Variants in SLC2A11 observed in about 807,000 individuals in gnomAD.
SLC2A11 encodes solute carrier family 2, facilitated glucose transporter member 11.
SLC2A11 carries 43 observed loss-of-function variants against 52.1 expected under a neutral mutation model. The observed-to-expected ratio is 0.82, with a 90% CI of 0.65 to 1.06. The LOEUF is 1.06. SLC2A11 is among the 50% of genes least tolerant of loss of function. SLC2A11 has a pLI of 0.00. For synonymous variants in SLC2A11, 261 were observed against 277.6 expected, an observed-to-expected ratio of 0.94 and a Z score of 0.59; for missense variants, 582 against 654.2, an observed-to-expected ratio of 0.89 and a Z score of 1.20.
In SLC2A11 at chr22:23,877,883, C is replaced by T; in HGVS notation, c.694+14C>T. Reference sequence around the variant, plus strand: ...CCTGCCTGGCAGGTGAGTCTCTGTCCTTGGGCTCCCAGACTGCCCTTGACC... The same window carrying T: ...CCTGCCTGGCAGGTGAGTCTCTGTCTTTGGGCTCCCAGACTGCCCTTGACC... On this transcript the variant is annotated intron_variant, in intron 6 of 11. Transcript: ENST00000316185. The T allele has an allele frequency of 6.2e-7, 1 of 1,603,240 alleles. No homozygotes were observed.
In SLC2A11 at chr22:23,884,820, C is replaced by T. The variant is rs1486325555; in HGVS notation, c.1471C>T (p.Leu491=). The change falls in exon 12 of 12, where the codon CTG becomes TTG. Residue 491 remains leucine (L), a synonymous_variant. Coordinates refer to ENST00000316185, the MANE Select transcript of SLC2A11 (RefSeq NM_001024939.4). This position sits in a 1 kb window ranked among gnomAD's most constrained non-coding sequence, Gnocchi z 4.3. ...GGCCCAGGGCCCCACGTGGAGGAGC[C>T]TGGAGGTTATCCAGTCAACAGAACT... ...RRAQGPTWRS[L]EVIQSTEL 6.2e-7 allele frequency: 1 copy of T among 1,614,160 alleles called. No homozygotes were observed. Among genetic ancestry groups the T allele is most frequent in the Non-Finnish European group, 8.5e-7 (1 of 1,180,024 alleles).
At position 23,862,195 on chromosome 22, in the gene SLC2A11, C is replaced by T. The variant is rs180771325; in HGVS notation, c.122C>T (p.Pro41Leu). Residue 41 changes from proline to leucine, a missense_variant, in exon 2 of 12, where the codon CCG (proline) becomes CTG (leucine). Pro to Leu is a moderately conservative substitution (Grantham distance 98). Coordinates refer to ENST00000316185, the MANE Select transcript of SLC2A11 (RefSeq NM_001024939.4). ...TATAACCTCTCTATCATCAATGCCC[C>T]GACCTTGGTATGTATCCTCTCTGGG... ...FGYNLSIINAPTLHIQEFTNE... is the reference protein window; with the variant it reads ...FGYNLSIINALTLHIQEFTNE... The T allele has an allele frequency of 6.8e-6, 11 of 1,614,030 alleles. No homozygotes were observed. The highest frequency in any genetic ancestry group is 4.5e-5 in the East Asian group (2 of 44,884).
chr22:23,874,977 C>T, intron 3 of SLC2A11, 140 bp from the exon 4 acceptor site: 3 of 959,910 alleles, frequency 3.1e-6, no homozygotes, highest in Non-Finnish European at 4.2e-6. Context: ...TACCAGGACT[C>T]AAAGTAGTTA....
rs1449854149 is a variant in SLC2A11, at chr22:23,857,929, G to A, written c.-71G>A. On this transcript the variant is annotated 5_prime_UTR_variant, in exon 1 of 12. Transcript: ENST00000316185. ...CCTTCCCTCCGCGCACAGGCTGCCGGCTCACCGCTTGCTAATGGCAGCCGG... is the reference window on the plus strand; with the variant it reads ...CCTTCCCTCCGCGCACAGGCTGCCGACTCACCGCTTGCTAATGGCAGCCGG... The A allele has an allele frequency of 3.4e-5, 54 of 1,590,266 alleles. No homozygotes were observed. In the South Asian group the frequency reaches 4.5e-4, roughly 13 times the overall value.
At chr22:23,877,381 C>T (rs764629590) in intron 5 of SLC2A11, 24 of 905,546 alleles carry the variant, frequency 2.7e-5, no homozygotes, top group East Asian at 1.1e-4. Flanking sequence ...CCCATCCTCT[C>T]CAGGTCAGGG....
intron 3 of SLC2A11, 61 bp downstream of exon 3, chr22:23,868,702 C>T (rs2032354079): frequency 2.5e-6 from 4 of 1,586,322 alleles, no homozygotes; most frequent in Non-Finnish European, 3.4e-6. Flanking sequence ...AGCCTGCAGG[C>T]TGAGGAATGT....
rs1252496056 is a variant in SLC2A11 at position 23,884,579 on chromosome 22, C to T, written c.1300-70C>T. On this transcript the variant is annotated intron_variant, in intron 11 of 11. Coordinates refer to ENST00000316185, the MANE Select transcript of SLC2A11 (RefSeq NM_001024939.4). The surrounding 1 kb of genome is among the most constrained non-coding windows in gnomAD (Gnocchi z 4.3). ...GAGGGGGGCAAATGCCTCCTCACGA[C>T]CTGTCATGGGCCTTCTGTTTAGGGG... 1 of 1,551,098 alleles carries T rather than the reference C, an allele frequency of 6.4e-7. No individual in the cohort carries two copies. The highest frequency in any genetic ancestry group is 8.7e-7 in the Non-Finnish European group (1 of 1,145,974).
chr22:23,863,608 G>GTTT (rs71184923), intron 2 of SLC2A11, among the ~76,000 whole-genome samples: 1,090 of 86,792 alleles, frequency 0.013, 122 homozygotes, highest in African/African-American at 0.027. Context: ...TCTCTCTCTG[G>GTTT]TTTTTTTTTT....
At chr22:23,878,374 A>T (rs2032694426) in intron 6 of SLC2A11, among the ~76,000 whole-genome samples, 1 of 152,050 alleles carries the variant, frequency 6.6e-6, no homozygotes, top group Non-Finnish European at 1.5e-5. Flanking sequence ...GGCAGTGGTG[A>T]GGTTCAGCTG....
upstream of SLC2A11, chr22:23,857,787 G>T: frequency 6.9e-7 from 1 of 1,441,672 alleles, no homozygotes; most frequent in Non-Finnish European, 9.1e-7. Context: ...AGCTGGTGCG[G>T]CCGCTCTCAA....
intron 3 of SLC2A11, 147 bp downstream of exon 3, chr22:23,868,788 C>T: frequency 3.2e-6 from 3 of 936,296 alleles, no homozygotes; most frequent in Non-Finnish European, 4.7e-6. Context: ...CCTGGAGTTT[C>T]ACCTTGCAAG....
At chr22:23,883,302 C>T (rs1005196395) in intron 8 of SLC2A11, 4 of 319,662 alleles carry the variant, frequency 1.3e-5, no homozygotes, top group East Asian at 9.8e-5. Context: ...GAAACCCCGT[C>T]TCTACAAAAA....
intron 3 of SLC2A11, chr22:23,873,331 A>ATGTGTGTGTGTGTG (rs1568990950): frequency 3.5e-4 from 52 of 150,240 alleles, no homozygotes; most frequent in South Asian, 2.3e-3. Context: ...GTGTGTGTGC[A>ATGTGTGTGTGTGTG]CGCGTGTGTG....
chr22:23,859,883 G>C (rs2031989386), intron 1 of SLC2A11, among the ~76,000 whole-genome samples: 1 of 152,174 alleles, frequency 6.6e-6, no homozygotes, highest in African/African-American at 2.4e-5. Flanking sequence ...CATGAAAATT[G>C]TATCAAAGTT....
Position 23,877,558 on chromosome 22 carries a change from A to G in SLC2A11, c.546-163A>G, listed in dbSNP as rs757516566. 1.1e-5 allele frequency: 11 copies of G among 982,322 alleles called. No homozygotes were observed. In the Admixed American group the frequency reaches 2.0e-4, roughly 18 times the overall value. 60.9% of individuals were successfully genotyped at this position (982,322 alleles called of 1,614,324 possible). A position where few individuals can be genotyped will look rare whatever the true frequency, so the allele number is the denominator to read the frequency against. ...GTGGCCCTGTCCTCTCTTGGTCCCA[A>G]CCTGGGTGGGAGGGATCTTGATGTT... On this transcript the variant is annotated intron_variant, in intron 5 of 11. Coordinates refer to ENST00000316185, the MANE Select transcript of SLC2A11 (RefSeq NM_001024939.4).
chr22:23,863,819 T>TG (rs1230488193), intron 2 of SLC2A11, among the ~76,000 whole-genome samples: 1 of 151,864 alleles, frequency 6.6e-6, no homozygotes, highest in East Asian at 1.9e-4. Context: ...TTAGTAGAGA[T>TG]GGGGTCTCAT....
Position 23,877,889 on chromosome 22 carries a change from C to A in SLC2A11, c.694+20C>A, listed in dbSNP as rs757915256. The A allele has an allele frequency of 9.4e-6, 15 of 1,599,288 alleles. No individual in the cohort carries two copies. The highest frequency in any genetic ancestry group is 1.3e-5 in the Non-Finnish European group (15 of 1,173,320). ...TGGCAGGTGAGTCTCTGTCCTTGGG[C>A]TCCCAGACTGCCCTTGACCAAGGGA... On this transcript the variant is annotated intron_variant, in intron 6 of 11. Transcript: ENST00000316185.
chr22:23,884,081 G>A lies in SLC2A11; in HGVS notation c.1171+57G>A. ...TCATCACATAGAAGGAGTGATGGGT[G>A]CCTGGGTGCACAGTGGGTGGGTGTG... is the stretch of plus-strand genomic sequence containing the variant. On this transcript the variant is annotated intron_variant, in intron 10 of 11. Coordinates refer to ENST00000316185, the MANE Select transcript of SLC2A11 (RefSeq NM_001024939.4). This position sits in a 1 kb window ranked among gnomAD's most constrained non-coding sequence, Gnocchi z 4.3. 2 of 1,591,454 alleles carry A rather than the reference G, an allele frequency of 1.3e-6. No individual in the cohort carries two copies. The highest frequency in any genetic ancestry group is 1.1e-5 in the South Asian group (1 of 89,076).
At chr22:23,857,426 A>C (rs2031874151), upstream of SLC2A11, 3 of 1,608,696 alleles carry the variant, frequency 1.9e-6, no homozygotes, top group Admixed American at 3.4e-5. Flanking sequence ...TGCAGAGATG[A>C]GCTTGGGGCT....
Sources: gnomAD v4.1 joint callset for allele counts (sites outside exome capture counted in the v4.1 genomes callset) on GRCh38, gnomAD v4.1.1 for gene constraint, Gnocchi (gnomAD v3.1) non-coding constraint, MANE v1.5 for transcripts, NCBI Gene and HGNC (gene_info 2026-07-23, HGNC 2026-07-21) for gene names.